Variants in STOX2 observed in about 807,000 individuals in gnomAD.
The protein encoded by STOX2 is storkhead box 2, also known as storkhead-box protein 2.
Under a neutral mutation model 60.9 loss-of-function variants are expected in STOX2, and 28 were observed. The observed-to-expected ratio is 0.46, with a 90% CI of 0.34 to 0.63. The LOEUF (loss-of-function observed/expected upper bound fraction) is 0.63, where lower values mean the gene tolerates loss of function less well. STOX2 is among the 30% of genes least tolerant of loss of function. The pLI is 0.01. For missense variants in STOX2, 1,024 were observed against 1,187.7 expected (o/e 0.86, Z 2.03); for synonymous variants, 472 against 463.9 (o/e 1.02, Z -0.22).
chr4:183,816,373 T>A (rs1196640002), intron 1 of STOX2, among the ~76,000 whole-genome samples: 4 of 152,226 alleles, frequency 2.6e-5, no homozygotes, highest in African/African-American at 9.7e-5. Context: ...CTGGAGGCCA[T>A]TATCCTAAGT....
At chr4:183,975,849 C>A (rs536672902) in intron 1 of STOX2, among the ~76,000 whole-genome samples, 1 of 152,280 alleles carries the variant, frequency 6.6e-6, no homozygotes, top group East Asian at 1.9e-4. Flanking sequence ...GGTTACCAAA[C>A]CAGACAAAGT....
chr4:183,866,938 A>G (rs890888169), intron 1 of STOX2, among the ~76,000 whole-genome samples: 1 of 152,232 alleles, frequency 6.6e-6, no homozygotes, highest in Non-Finnish European at 1.5e-5. Flanking sequence ...GTCAATCAAC[A>G]TGAATAGAAG....
chr4:183,911,014 G>A (rs1741763162), intron 1 of STOX2, among the ~76,000 whole-genome samples: 1 of 152,148 alleles, frequency 6.6e-6, no homozygotes, highest in Non-Finnish European at 1.5e-5. Context: ...CCACAAACCA[G>A]CTGTGTCCCT....
chr4:183,938,350 A>G (rs1297551089), intron 1 of STOX2, among the ~76,000 whole-genome samples: 1 of 152,230 alleles, frequency 6.6e-6, no homozygotes. Context: ...ACATGCAAGA[A>G]GCAAGCTCAT....
In STOX2 at chr4:183,920,137, A is replaced by C. The variant is rs911417510; in HGVS notation, c.166+13181A>C. On this transcript the variant is annotated intron_variant, in intron 1 of 3. Transcript: ENST00000308497. ...TATTTATTTTTATTTTTATTTTGAG[A>C]CAGGGTCTTGCTCTGTCACCCAGGC... 2.0e-4 allele frequency among the ~76,000 whole-genome samples: 30 copies of C among 152,048 alleles called. 4 individuals carry two copies. The highest frequency in any genetic ancestry group is 1.6e-3 in the Admixed American group (24 of 15,288).
At chr4:183,835,123 T>A (rs1739672688) in intron 1 of STOX2, among the ~76,000 whole-genome samples, 1 of 138,936 alleles carries the variant, frequency 7.2e-6, no homozygotes, top group African/African-American at 2.7e-5. Context: ...AAGTTACCTA[T>A]TTTTTTTTTT....
chr4:183,913,071 G>A (rs1001947053), intron 1 of STOX2, among the ~76,000 whole-genome samples: 1 of 152,160 alleles, frequency 6.6e-6, no homozygotes, highest in Non-Finnish European at 1.5e-5. Context: ...GAAGGACGTT[G>A]CTTAGAAAAG....
At chr4:184,004,355 T>A (rs896531376) in intron 2 of STOX2, among the ~76,000 whole-genome samples, 1 of 152,286 alleles carries the variant, frequency 6.6e-6, no homozygotes, top group Admixed American at 6.5e-5. Context: ...ATCCCAGCAC[T>A]TTGGGAGGCC....
At chr4:183,842,146 T>A (rs1455196461) in intron 1 of STOX2, among the ~76,000 whole-genome samples, 1 of 152,186 alleles carries the variant, frequency 6.6e-6, no homozygotes, top group Non-Finnish European at 1.5e-5. Flanking sequence ...CAGATTTGAG[T>A]GTTGAAGAGA....
chr4:183,887,545 C>T (rs547168044), intron 1 of STOX2, among the ~76,000 whole-genome samples: 1 of 152,246 alleles, frequency 6.6e-6, no homozygotes, highest in Non-Finnish European at 1.5e-5. Flanking sequence ...ACATCATTAG[C>T]AGACTCCCTG....
At chr4:183,819,618 G>A (rs1322491390) in intron 1 of STOX2, among the ~76,000 whole-genome samples, 1 of 148,072 alleles carries the variant, frequency 6.8e-6, no homozygotes, top group African/African-American at 2.5e-5. Context: ...GGGGGAGGAG[G>A]GAGAGGCGAA....
intron 1 of STOX2, among the ~76,000 whole-genome samples, chr4:183,947,720 C>T (rs1742937900): frequency 6.6e-6 from 1 of 152,176 alleles, no homozygotes; most frequent in South Asian, 2.1e-4. Context: ...TTCCTGAAGA[C>T]TCCTTCCTTG....
At chr4:183,965,124 G>A (rs79998191) in intron 1 of STOX2, among the ~76,000 whole-genome samples, 2,009 of 152,240 alleles carry the variant, frequency 0.013, 47 homozygotes, top group African/African-American at 0.046. Flanking sequence ...CAGTTATGCC[G>A]TGTTTATGAA....
At chr4:183,867,011 G>A (rs148356029) in intron 1 of STOX2, among the ~76,000 whole-genome samples, 427 of 152,186 alleles carry the variant, frequency 2.8e-3, no homozygotes, top group Non-Finnish European at 4.7e-3. Flanking sequence ...GTCATCTCTT[G>A]TTTATAGTTC....
chr4:183,859,229 T>C (rs1243241301), intron 1 of STOX2, among the ~76,000 whole-genome samples: 1 of 152,186 alleles, frequency 6.6e-6, no homozygotes, highest in Non-Finnish European at 1.5e-5. Flanking sequence ...TTCCCAGTGT[T>C]GTAGGGTGTC....
chr4:183,883,616 G>A (rs1229267730), intron 1 of STOX2, among the ~76,000 whole-genome samples: 1 of 151,040 alleles, frequency 6.6e-6, no homozygotes, highest in African/African-American at 2.4e-5. Context: ...GCGCCTGGCC[G>A]ACCTGTTATA....
chr4:183,942,750 A>G (rs1344604303), intron 1 of STOX2, among the ~76,000 whole-genome samples: 1 of 152,186 alleles, frequency 6.6e-6, no homozygotes, highest in Non-Finnish European at 1.5e-5. Context: ...GTCCTAGGAG[A>G]ATGGAGGCAG....
chr4:183,809,739 T>A (rs1006126509), intron 1 of STOX2, among the ~76,000 whole-genome samples: 3 of 152,198 alleles, frequency 2.0e-5, no homozygotes, highest in Non-Finnish European at 4.4e-5. Context: ...TTTGGAGAAA[T>A]ACAGAGATTT....
intron 1 of STOX2, among the ~76,000 whole-genome samples, chr4:183,982,416 C>T (rs1398154019): frequency 6.6e-6 from 1 of 152,198 alleles, no homozygotes; most frequent in African/African-American, 2.4e-5. Context: ...TTAGTCAATC[C>T]TGGGCTATAA....
Sources: allele counts gnomAD v4.1 joint callset (sites outside exome capture counted in the v4.1 genomes callset), GRCh38; gene constraint gnomAD v4.1.1; transcripts MANE v1.5; gene names NCBI Gene and HGNC (gene_info 2026-07-23, HGNC 2026-07-21).